Variants in SEM1 observed in about 807,000 individuals in gnomAD.
SEM1 encodes SEM1 26S proteasome subunit.
A neutral mutation model predicts 12.7 loss-of-function variants in SEM1; 3 were observed. That is an observed-to-expected ratio of 0.24 (90% CI 0.11 to 0.61). SEM1 has a LOEUF of 0.61. Ranked by LOEUF, SEM1 falls within the 20% of genes least tolerant of loss-of-function variation. The pLI is 0.88. For missense variants in SEM1, 59 were observed against 81.3 expected (o/e 0.73, Z 1.06); for synonymous variants, 30 against 27.8 (o/e 1.08, Z -0.25).
chr7:96,590,752 C>A (rs548256659), intron 2 of SEM1, among the ~76,000 whole-genome samples: 2 of 152,236 alleles, frequency 1.3e-5, no homozygotes, highest in Admixed American at 1.3e-4. Context: ...GTCTTGTCAT[C>A]TTGTCATTCC....
intron 2 of SEM1, among the ~76,000 whole-genome samples, chr7:96,575,087 T>G (rs2116012024): frequency 6.6e-6 from 1 of 152,348 alleles, no homozygotes; most frequent in East Asian, 1.9e-4. Context: ...TGGTTTTTCC[T>G]CATCTTTGTG....
At chr7:96,497,937 G>A (rs961556526), upstream of SEM1, among the ~76,000 whole-genome samples, 1 of 152,128 alleles carries the variant, frequency 6.6e-6, no homozygotes, top group Non-Finnish European at 1.5e-5. Context: ...GATGAAGAGA[G>A]AAATAGAAAA....
At chr7:96,672,823 G>A (rs943766084), downstream of SEM1, 1 of 152,166 alleles carries the variant, frequency 6.6e-6, no homozygotes, top group Non-Finnish European at 1.5e-5. Context: ...CCAACACAAA[G>A]AAAACATTTT....
At chr7:96,660,237 C>G (rs2116513226) in intron 2 of SEM1, among the ~76,000 whole-genome samples, 1 of 152,088 alleles carries the variant, frequency 6.6e-6, no homozygotes, top group East Asian at 1.9e-4. Context: ...ATTTCAACTC[C>G]CCAGGAAGAT....
chr7:96,485,792 G>A (rs756228758), intron 2 of SEM1, among the ~76,000 whole-genome samples: 5 of 151,830 alleles, frequency 3.3e-5, no homozygotes, highest in African/African-American at 7.3e-5. Context: ...TGTCCACCTC[G>A]GCCTTGCAAA....
chr7:96,624,534 G>GATA (rs534142309), intron 2 of SEM1, among the ~76,000 whole-genome samples: 3 of 152,168 alleles, frequency 2.0e-5, no homozygotes, highest in Non-Finnish European at 4.4e-5. Flanking sequence ...ACAAAATGGG[G>GATA]ATAATAATAA....
chr7:96,595,237 G>A (rs1346568091), intron 2 of SEM1, among the ~76,000 whole-genome samples: 1 of 152,026 alleles, frequency 6.6e-6, no homozygotes, highest in Non-Finnish European at 1.5e-5. Context: ...GTTAGGCCGG[G>A]CACAGGGGCT....
intron 2 of SEM1, among the ~76,000 whole-genome samples, chr7:96,547,329 G>T (rs1391520315): frequency 6.6e-6 from 1 of 152,066 alleles, no homozygotes; most frequent in Non-Finnish European, 1.5e-5. Flanking sequence ...ATGAATAGGG[G>T]GTTGTAAGCT....
At chr7:96,491,847 G>T (rs973582516) in intron 1 of SEM1, among the ~76,000 whole-genome samples, 3 of 152,120 alleles carry the variant, frequency 2.0e-5, no homozygotes, top group Admixed American at 2.0e-4. Context: ...ACTAATATTT[G>T]TGGAGCACCT....
At chr7:96,708,072 C>T (rs1389567232) in intron 1 of SEM1, 2 of 152,114 alleles carry the variant, frequency 1.3e-5, no homozygotes, top group African/African-American at 2.4e-5. Flanking sequence ...AAATAAAGTG[C>T]CTAACATTCC....
intron 3 of SEM1, among the ~76,000 whole-genome samples, chr7:96,503,131 C>T (rs1803625700): frequency 6.6e-6 from 1 of 152,260 alleles, no homozygotes; most frequent in Non-Finnish European, 1.5e-5. Context: ...TATCTTTAGA[C>T]ATGCAGGCTC....
chr7:96,653,429 C>A (rs1156435884), intron 2 of SEM1, among the ~76,000 whole-genome samples: 1 of 152,106 alleles, frequency 6.6e-6, no homozygotes, highest in East Asian at 1.9e-4. Flanking sequence ...GACACATAAA[C>A]AAATAAACAT....
At chr7:96,648,174 A>C (rs1808863119) in intron 2 of SEM1, among the ~76,000 whole-genome samples, 1 of 152,260 alleles carries the variant, frequency 6.6e-6, no homozygotes, top group African/African-American at 2.4e-5. Context: ...TTTTGAATAC[A>C]TTAGTCAAGA....
intron 2 of SEM1, among the ~76,000 whole-genome samples, chr7:96,543,175 A>T (rs368870955): frequency 6.6e-6 from 1 of 152,076 alleles, no homozygotes; most frequent in East Asian, 1.9e-4. Context: ...ATTTGCAAAA[A>T]CAAATTGTGG....
chr7:96,547,956 T>G (rs1805154115), intron 2 of SEM1, among the ~76,000 whole-genome samples: 1 of 152,098 alleles, frequency 6.6e-6, no homozygotes, highest in South Asian at 2.1e-4. Context: ...TTATAAAAAT[T>G]ATATTTGAAA....
rs544518206 is a variant in SEM1, at chr7:96,633,351, G to A, written c.171-10708C>T. Among the ~76,000 whole-genome samples, 203 of 152,014 alleles carry A rather than the reference G, an allele frequency of 1.3e-3. 1 individual carries two copies. The highest frequency in any genetic ancestry group is 4.4e-3 in the African/African-American group (181 of 41,454). ...TTTGTAATAACAAATCTAACATTTT[G>A]GTAAATGATGGTGGGAACTGAAATA... On this transcript the variant is annotated intron_variant, in intron 2 of 2. Coordinates refer to the SEM1 transcript ENST00000417009.
chr7:96,593,948 C>G lies in SEM1; in HGVS notation c.171-87250G>C, dbSNP rs1029256117. ...AATAAGCAAAACTGGAATTTTTACCCCTCATATTGTTTTGTATCTATTTTG... is the reference window on the plus strand; with the variant it reads ...AATAAGCAAAACTGGAATTTTTACCGCTCATATTGTTTTGTATCTATTTTG... On this transcript the variant is annotated intron_variant and NMD_transcript_variant, in intron 2 of 3. Transcript: ENST00000466986. Among the ~76,000 whole-genome samples the G allele has an allele frequency of 2.0e-5, 3 of 151,104 alleles. No individual in the cohort carries two copies. In the East Asian group the frequency reaches 5.8e-4, roughly 29 times the overall value.
At chr7:96,503,538 C>T (rs1413273460) in intron 3 of SEM1, 5 of 151,948 alleles carry the variant, frequency 3.3e-5, no homozygotes, top group Non-Finnish European at 5.9e-5. Context: ...GTCACTGAGA[C>T]GAATAAATCA....
At chr7:96,584,417 A>C (rs530206310) in intron 2 of SEM1, among the ~76,000 whole-genome samples, 9 of 151,840 alleles carry the variant, frequency 5.9e-5, no homozygotes, top group African/African-American at 2.2e-4. Flanking sequence ...CCTTCATTTC[A>C]ACTTTGGTGA....
Sources: gnomAD v4.1 joint callset for allele counts (sites outside exome capture counted in the v4.1 genomes callset) on GRCh38, gnomAD v4.1.1 for gene constraint, MANE v1.5 for transcripts, NCBI Gene and HGNC (gene_info 2026-07-23, HGNC 2026-07-21) for gene names.